PAWR: variants seen among roughly 807,000 people sequenced by gnomAD.
PAWR encodes the protein pro-apoptotic WT1 regulator.
In PAWR, 23 loss-of-function variants were observed where a neutral mutation model predicts 32.0. The observed-to-expected ratio is 0.72, with a 90% CI of 0.52 to 1.02. The LOEUF (loss-of-function observed/expected upper bound fraction) is 1.02. Ranked by LOEUF, PAWR falls within the 50% of genes least tolerant of loss-of-function variation. PAWR has a pLI of 0.00. For missense variants in PAWR, 457 were observed against 437.7 expected, an observed-to-expected ratio of 1.04 and a Z score of -0.39; for synonymous variants, 226 against 187.1, an observed-to-expected ratio of 1.21 and a Z score of -1.70.
chr12:79,646,358 C>T (rs563212928), intron 2 of PAWR, among the ~76,000 whole-genome samples: 64 of 152,216 alleles, frequency 4.2e-4, no homozygotes, highest in African/African-American at 1.4e-3. Context: ...AGATACTGAA[C>T]TAAAGACATG....
rs574812022 is a variant in PAWR, at chr12:79,670,058, G to A, written c.516+19671C>T. On this transcript the variant is annotated intron_variant, in intron 2 of 6. Coordinates refer to ENST00000328827, the MANE Select transcript of PAWR (RefSeq NM_002583.4). ...AAAAATGTAAATATTTTTAACCTAT[G>A]GGTATACAAAATGCTAAAAATAGGT... Among the ~76,000 whole-genome samples, 3 of 152,094 alleles carry A rather than the reference G, an allele frequency of 2.0e-5. No individual in the cohort carries two copies. The South Asian group carries it at 6.2e-4, about 32-fold the overall frequency.
At chr12:79,690,587 T>G in intron 1 of PAWR, 196 bp from the exon 2 acceptor site, 1 of 202,058 alleles carries the variant, frequency 4.9e-6, no homozygotes. Context: ...TCGCCGCCCC[T>G]AGAAGGGAGG....
chr12:79,600,361 A>C (rs1873911000), intron 4 of PAWR, among the ~76,000 whole-genome samples: 1 of 152,158 alleles, frequency 6.6e-6, no homozygotes, highest in Admixed American at 6.5e-5. Context: ...TAAAATTCTA[A>C]AGAATGAAAA....
At chr12:79,648,571 A>G (rs1592529585) in intron 2 of PAWR, among the ~76,000 whole-genome samples, 1 of 151,406 alleles carries the variant, frequency 6.6e-6, no homozygotes, top group Admixed American at 6.6e-5. Flanking sequence ...TCGCTTGAGC[A>G]AAAGAGTTCA....
chr12:79,680,381 G>T (rs935054642), intron 2 of PAWR, among the ~76,000 whole-genome samples: 2 of 152,138 alleles, frequency 1.3e-5, no homozygotes, highest in Non-Finnish European at 2.9e-5. Flanking sequence ...TAATTCACAA[G>T]CTGGGATCCT....
chr12:79,592,722 A>G (rs1397559081), intron 6 of PAWR, 29 bp from the exon 7 acceptor site: 1 of 712,058 alleles, frequency 1.4e-6, no homozygotes, highest in African/African-American at 1.8e-5. Flanking sequence ...CACTTTAAAA[A>G]TACTTAAAAA....
intron 2 of PAWR, among the ~76,000 whole-genome samples, chr12:79,641,672 C>A (rs1348521666): frequency 6.6e-6 from 1 of 151,528 alleles, no homozygotes; most frequent in Admixed American, 6.6e-5. Flanking sequence ...CATGGTGAAA[C>A]CCTGTCTCTA....
chr12:79,618,516 G>A (rs1170850756), intron 3 of PAWR, among the ~76,000 whole-genome samples: 1 of 152,118 alleles, frequency 6.6e-6, no homozygotes, highest in African/African-American at 2.4e-5. Context: ...ACCTTACTGT[G>A]CAATAAAACA....
chr12:79,606,136 A>T (rs1874173202), intron 4 of PAWR, among the ~76,000 whole-genome samples: 1 of 152,182 alleles, frequency 6.6e-6, no homozygotes, highest in Admixed American at 6.6e-5. Flanking sequence ...CATTTATCTG[A>T]AATATCCAAC....
At chr12:79,622,100 T>C (rs1165360598) in intron 2 of PAWR, among the ~76,000 whole-genome samples, 2 of 151,602 alleles carry the variant, frequency 1.3e-5, no homozygotes, top group African/African-American at 4.9e-5. Context: ...TATAACAGTA[T>C]GGCAGTGAAG....
intron 2 of PAWR, among the ~76,000 whole-genome samples, chr12:79,638,392 G>A (rs1323724958): frequency 6.6e-6 from 1 of 151,858 alleles, no homozygotes; most frequent in Non-Finnish European, 1.5e-5. Context: ...GGTAATCTTT[G>A]TCCAACATAT....
intron 2 of PAWR, among the ~76,000 whole-genome samples, chr12:79,622,795 G>A (rs919026033): frequency 2.6e-5 from 4 of 152,158 alleles, no homozygotes; most frequent in African/African-American, 9.7e-5. Flanking sequence ...TTATTGCTGA[G>A]TCTAAACTGT....
rs1185451455 is a variant in PAWR at position 79,596,384 on chromosome 12, G to A, written c.831+127C>T. 4 of 560,640 alleles carry A rather than the reference G, an allele frequency of 7.1e-6. No individual in the cohort carries two copies. In the African/African-American group the frequency reaches 7.7e-5, roughly 11 times the overall value. The allele number at this position is 560,640 out of a possible 1,614,324, so 34.7% of individuals were successfully genotyped here. A position where few individuals can be genotyped will look rare whatever the true frequency, so the allele number is the denominator to read the frequency against. On this transcript the variant is annotated intron_variant, in intron 5 of 6. Transcript: ENST00000328827. ...GGCTTTTAATATACTAAAGGTAACA[G>A]TTGGCAGAAAAGCGCACATATTAAA...
Position 79,590,071 on chromosome 12 carries a change from T to C in PAWR, c.*2536A>G, listed in dbSNP as rs1873502982. 6.6e-6 allele frequency: 1 copy of C among 152,146 alleles called. No homozygotes were observed. Among genetic ancestry groups the C allele is most frequent in the Non-Finnish European group, 1.5e-5 (1 of 68,022 alleles). 9.4% of individuals were successfully genotyped at this position (152,146 alleles called of 1,614,324 possible). On this transcript the variant is annotated 3_prime_UTR_variant, in exon 7 of 7. Transcript: ENST00000328827. ...ATTTTGAGATGGAAGAAGGACTGCATGTGAAATGCTTTGCCTAAGTTGTAA... is the reference window on the plus strand; with the variant it reads ...ATTTTGAGATGGAAGAAGGACTGCACGTGAAATGCTTTGCCTAAGTTGTAA...
At position 79,596,504 on chromosome 12, in the gene PAWR, T is replaced by A. The variant is rs1873756719; in HGVS notation, c.831+7A>T. 6.9e-7 allele frequency: 1 copy of A among 1,458,292 alleles called. No homozygotes were observed. Among genetic ancestry groups the A allele is most frequent in the Non-Finnish European group, 9.5e-7 (1 of 1,055,034 alleles). The allele number at this position is 1,458,292 out of a possible 1,614,324, so 90.3% of individuals were successfully genotyped here. ...TTTATCAATCTTAAATAACTTATAA[T>A]CCATACCTTTTCAAGATCTTCAATT... On this transcript the variant is annotated splice_region_variant and intron_variant, in intron 5 of 6. Transcript: ENST00000328827.
chr12:79,650,714 TA>T (rs34166197), intron 2 of PAWR, among the ~76,000 whole-genome samples: 56,210 of 112,886 alleles, frequency 0.5, 16,184 homozygotes, highest in Non-Finnish European at 0.65. Context: ...TAAAGGTTAT[TA>T]AAAAAAAAAA....
intron 2 of PAWR, among the ~76,000 whole-genome samples, chr12:79,655,125 A>T (rs1351684718): frequency 6.6e-6 from 1 of 152,212 alleles, no homozygotes; most frequent in East Asian, 1.9e-4. Flanking sequence ...TTTCTAATGC[A>T]TTGCCTGGAG....
chr12:79,648,971 A>G (rs1305255035), intron 2 of PAWR, among the ~76,000 whole-genome samples: 3 of 152,196 alleles, frequency 2.0e-5, no homozygotes, highest in African/African-American at 7.2e-5. Flanking sequence ...TAAAGGCTAT[A>G]ATAATGTCAC....
chr12:79,628,459 T>G (rs1323557267), intron 2 of PAWR, among the ~76,000 whole-genome samples: 1 of 151,718 alleles, frequency 6.6e-6, no homozygotes, highest in African/African-American at 2.4e-5. Flanking sequence ...ATAACTAAGA[T>G]CAGAGCAGAA....
Sources: gnomAD v4.1 joint callset for allele counts (sites outside exome capture counted in the v4.1 genomes callset) on GRCh38, gnomAD v4.1.1 for gene constraint, MANE v1.5 for transcripts, NCBI Gene and HGNC (gene_info 2026-07-23, HGNC 2026-07-21) for gene names.